Variants in RYR2 observed in about 807,000 individuals in gnomAD.
The protein encoded by RYR2 is cardiac muscle ryanodine receptor-calcium release channel.
In RYR2, 227 loss-of-function variants were observed where a neutral mutation model predicts 601.1. The ratio of observed to expected loss-of-function variants is 0.38; its 90% CI spans 0.34 to 0.42. The LOEUF (loss-of-function observed/expected upper bound fraction) is 0.42. RYR2 is among the 10% of genes least tolerant of loss of function. The probability of loss-of-function intolerance (pLI) is 1.00; values close to 1 mark genes in which losing one functional copy is unlikely to be tolerated. For missense variants in RYR2, 4,646 were observed against 6,156.5 expected, an observed-to-expected ratio of 0.75 and a Z score of 8.21; for synonymous variants, 2,223 against 2,175.1, an observed-to-expected ratio of 1.02 and a Z score of -0.61.
chr1:237,139,794 G>A (rs139016160), intron 1 of RYR2, among the ~76,000 whole-genome samples: 62 of 152,192 alleles, frequency 4.1e-4, no homozygotes, highest in East Asian at 1.5e-3. Context: ...TTTACACAGC[G>A]CAAAACACTA....
At chr1:237,736,026 A>T (rs1691111468) in intron 79 of RYR2, among the ~76,000 whole-genome samples, 1 of 152,116 alleles carries the variant, frequency 6.6e-6, no homozygotes, top group Non-Finnish European at 1.5e-5. Flanking sequence ...ACAAAATTTT[A>T]CTCTTCCTAT....
intron 23 of RYR2, among the ~76,000 whole-genome samples, chr1:237,510,861 G>T (rs1470941060): frequency 6.6e-6 from 1 of 152,212 alleles, no homozygotes; most frequent in Non-Finnish European, 1.5e-5. Context: ...AGTTTAATGT[G>T]ATTGCTAATA....
At chr1:237,429,610 T>C (rs2150090640) in intron 12 of RYR2, among the ~76,000 whole-genome samples, 1 of 152,306 alleles carries the variant, frequency 6.6e-6, no homozygotes, top group South Asian at 2.1e-4. Flanking sequence ...TCCATCTTTC[T>C]CATTTGATTC....
At chr1:237,658,079 C>A in intron 54 of RYR2, 57 bp downstream of exon 54, 4 of 982,666 alleles carry the variant, frequency 4.1e-6, no homozygotes, top group South Asian at 4.4e-5. Context: ...GGTCACTGTT[C>A]AAATATTTCT....
intron 24 of RYR2, among the ~76,000 whole-genome samples, chr1:237,524,208 G>A (rs1338036931): frequency 6.6e-6 from 1 of 152,130 alleles, no homozygotes; most frequent in Non-Finnish European, 1.5e-5. Context: ...TATTACAATG[G>A]CATATTATTC....
At chr1:237,345,041 C>T (rs955780483) in intron 3 of RYR2, among the ~76,000 whole-genome samples, 5 of 152,034 alleles carry the variant, frequency 3.3e-5, no homozygotes. Flanking sequence ...CATCTCCCGA[C>T]CTCGTGATCC....
chr1:237,711,899 CT>C (rs377661270), intron 71 of RYR2, 62 bp downstream of exon 71: 27,262 of 538,460 alleles, frequency 0.051, no homozygotes, highest in South Asian at 0.073. Context: ...CATGAATTGA[CT>C]TTTTTTTTTT....
chr1:237,810,472 C>T (rs1398823514), intron 100 of RYR2, among the ~76,000 whole-genome samples: 2 of 152,182 alleles, frequency 1.3e-5, no homozygotes, highest in African/African-American at 4.8e-5. Context: ...TTAAAACCCA[C>T]AGTTGGTGAA....
At chr1:237,107,448 A>C (rs545348140) in intron 1 of RYR2, among the ~76,000 whole-genome samples, 1 of 139,096 alleles carries the variant, frequency 7.2e-6, no homozygotes, top group Admixed American at 7.9e-5. Flanking sequence ...GTGAACCCAG[A>C]GGTGGAGTTT....
At position 237,600,355 on chromosome 1, in the gene RYR2, A is replaced by G. The variant is rs1008585111; in HGVS notation, c.4597-1670A>G. Among the ~76,000 whole-genome samples, 6 of 152,340 alleles carry G rather than the reference A, an allele frequency of 3.9e-5. No homozygotes were observed. The South Asian group carries it at 1.0e-3, about 26-fold the overall frequency. On this transcript the variant is annotated intron_variant, in intron 34 of 104. Transcript: ENST00000366574. ...GCCAAGAACACACATTGGGGAAAGG[A>G]CAGTTTCTTCAATAAATGGTACAGG...
chr1:237,813,714 T>C (rs955397423), intron 100 of RYR2, among the ~76,000 whole-genome samples: 3 of 152,198 alleles, frequency 2.0e-5, no homozygotes, highest in Admixed American at 6.5e-5. Flanking sequence ...AAATACGGCC[T>C]GTTGATGTTC....
intron 76 of RYR2, among the ~76,000 whole-genome samples, chr1:237,728,791 G>A (rs1484699773): frequency 6.6e-6 from 1 of 151,770 alleles, no homozygotes; most frequent in Admixed American, 6.6e-5. Context: ...TCGGGGGGTG[G>A]GGGCAATGGG....
At chr1:237,549,019 C>T (rs1670108389) in intron 26 of RYR2, among the ~76,000 whole-genome samples, 1 of 152,148 alleles carries the variant, frequency 6.6e-6, no homozygotes, top group Non-Finnish European at 1.5e-5. Context: ...GGATATATTA[C>T]ATGTATATAC....
In RYR2 at chr1:237,536,757, G is replaced by A. The variant is rs1453428470; in HGVS notation, c.2906+6247G>A. 3.5e-5 allele frequency among the ~76,000 whole-genome samples: 5 copies of A among 144,868 alleles called. No individual in the cohort carries two copies. In the East Asian group the frequency reaches 1.0e-3, roughly 29 times the overall value. On this transcript the variant is annotated intron_variant, in intron 25 of 104. Transcript: ENST00000366574. Reference sequence around the variant, plus strand: ...AAAAATTAGCCGGGCATGGTGGCAGGCGCCTGTAGTCCCAGCTACTAGGGA... The same window carrying A: ...AAAAATTAGCCGGGCATGGTGGCAGACGCCTGTAGTCCCAGCTACTAGGGA...
intron 20 of RYR2, among the ~76,000 whole-genome samples, chr1:237,500,435 A>G (rs1664511400): frequency 6.6e-6 from 1 of 152,178 alleles, no homozygotes; most frequent in African/African-American, 2.4e-5. Context: ...CTCATAGATA[A>G]TTTCTGGATC....
At chr1:237,239,970 T>C (rs1314363358) in intron 1 of RYR2, among the ~76,000 whole-genome samples, 2 of 152,184 alleles carry the variant, frequency 1.3e-5, no homozygotes, top group African/African-American at 4.8e-5. Context: ...TATCTTTCCC[T>C]CTCTCTCTTT....
At chr1:237,687,365 T>TA in intron 62 of RYR2, 90 bp from the exon 63 acceptor site, 2 of 441,060 alleles carry the variant, frequency 4.5e-6, no homozygotes, top group East Asian at 4.1e-5. Flanking sequence ...TTTTTCTTCT[T>TA]CTTTTTTTTT....
intron 98 of RYR2, among the ~76,000 whole-genome samples, chr1:237,803,013 TCTTCAC>T (rs1386221542): frequency 6.6e-6 from 1 of 152,194 alleles, no homozygotes; most frequent in Non-Finnish European, 1.5e-5. Flanking sequence ...ATGCATTCAT[TCTTCAC>T]TATTACTGTG....
At chr1:237,787,452 C>A (rs112491683) in intron 91 of RYR2, among the ~76,000 whole-genome samples, 1 of 151,836 alleles carries the variant, frequency 6.6e-6, no homozygotes, top group Non-Finnish European at 1.5e-5. Context: ...GTTAGCTGGG[C>A]ATGGTGTCAC....
Sources: allele counts gnomAD v4.1 joint callset (sites outside exome capture counted in the v4.1 genomes callset), GRCh38; gene constraint gnomAD v4.1.1; transcripts MANE v1.5; gene names NCBI Gene and HGNC (gene_info 2026-07-23, HGNC 2026-07-21).